Variants in GNA14 observed in about 807,000 individuals in gnomAD.
GNA14 encodes the protein G protein subunit alpha 14.
GNA14 carries 50 observed loss-of-function variants against 42.0 expected under a neutral mutation model. The observed-to-expected ratio is 1.19, with a 90% CI of 0.95 to 1.51. The LOEUF is 1.51. GNA14 is among the 40% of genes most tolerant of loss of function. The probability of loss-of-function intolerance (pLI) is 0.00; values close to 1 mark genes in which losing one functional copy is unlikely to be tolerated. For missense variants in GNA14, 473 were observed against 446.2 expected, an observed-to-expected ratio of 1.06 and a Z score of -0.54; for synonymous variants, 173 against 163.1, an observed-to-expected ratio of 1.06 and a Z score of -0.46.
At chr9:77,571,108 T>C (rs1488465387) in intron 1 of GNA14, among the ~76,000 whole-genome samples, 1 of 152,220 alleles carries the variant, frequency 6.6e-6, no homozygotes, top group Non-Finnish European at 1.5e-5. Flanking sequence ...ATGGTGCTAG[T>C]AGTAGCATTT....
chr9:77,644,437 C>CAAAAAAAAAAAAAAAAAAAAAAAAAAAAA lies in GNA14; in HGVS notation c.124+3232_124+3233insTTTTTTTTTTTTTTTTTTTTTTTTTTTTT, dbSNP rs764737417. Among the ~76,000 whole-genome samples the CAAAAAAAAAAAAAAAAAAAAAAAAAAAAA allele has an allele frequency of 4.4e-4, 15 of 34,020 alleles. 1 individual carries two copies. Among genetic ancestry groups the CAAAAAAAAAAAAAAAAAAAAAAAAAAAAA allele is most frequent in the East Asian group, 2.6e-3 (2 of 776 alleles). 22.3% of individuals were successfully genotyped at this position (34,020 alleles called of 152,430 possible). A position where few individuals can be genotyped will look rare whatever the true frequency, so the allele number is the denominator to read the frequency against. On this transcript the variant is annotated intron_variant, in intron 1 of 6. Coordinates refer to ENST00000341700, the MANE Select transcript of GNA14 (RefSeq NM_004297.4). Reference sequence around the variant, plus strand: ...TACTGAACTCCAACCTAAAGAGTGTCAAAAAAAAAAAAAAAAAAAAAAAAA... The same window carrying CAAAAAAAAAAAAAAAAAAAAAAAAAAAAA: ...TACTGAACTCCAACCTAAAGAGTGTCAAAAAAAAAAAAAAAAAAAAAAAAAAAAAAAAAAAAAAAAAAAAAAAAAAAAAA...
At chr9:77,432,124 T>G (rs927001004) in intron 3 of GNA14, among the ~76,000 whole-genome samples, 1 of 148,962 alleles carries the variant, frequency 6.7e-6, no homozygotes, top group Admixed American at 6.8e-5. Context: ...AAAAAAAAAC[T>G]TTAAGGCCTT....
intron 1 of GNA14, among the ~76,000 whole-genome samples, chr9:77,550,260 T>C (rs993117546): frequency 1.3e-5 from 2 of 152,188 alleles, no homozygotes; most frequent in African/African-American, 4.8e-5. Context: ...GGATATGCTC[T>C]TTCAGCCTCG....
At chr9:77,572,464 G>C (rs900184886) in intron 1 of GNA14, among the ~76,000 whole-genome samples, 9 of 152,042 alleles carry the variant, frequency 5.9e-5, no homozygotes, top group Admixed American at 2.0e-4. Flanking sequence ...TAGTTTTATA[G>C]AATACATAAA....
intron 1 of GNA14, among the ~76,000 whole-genome samples, chr9:77,532,728 T>C (rs552398435): frequency 3.9e-5 from 6 of 152,324 alleles, no homozygotes; most frequent in Non-Finnish European, 5.9e-5. Flanking sequence ...TTCAGTAGCA[T>C]GCGTCCGCTC....
In GNA14 at chr9:77,579,162, G is replaced by A. The variant is rs577669183; in HGVS notation, c.125-49909C>T. 2.0e-5 allele frequency among the ~76,000 whole-genome samples: 3 copies of A among 152,302 alleles called. No individual in the cohort carries two copies. The South Asian group carries it at 6.2e-4, about 32-fold the overall frequency. On this transcript the variant is annotated intron_variant, in intron 1 of 6. Coordinates refer to ENST00000341700, the MANE Select transcript of GNA14 (RefSeq NM_004297.4). ...ACACCTATAAAGTTGGAATACTGGA[G>A]CATGTGACTGGCCCTCAGGCACTGG...
intron 1 of GNA14, among the ~76,000 whole-genome samples, chr9:77,631,265 C>T (rs1312700657): frequency 6.6e-6 from 1 of 152,072 alleles, no homozygotes; most frequent in Non-Finnish European, 1.5e-5. Context: ...GCCTCCTTTC[C>T]TTTTCAGGTC....
At chr9:77,555,115 T>C (rs1372860192) in intron 1 of GNA14, among the ~76,000 whole-genome samples, 1 of 152,224 alleles carries the variant, frequency 6.6e-6, no homozygotes, top group Non-Finnish European at 1.5e-5. Flanking sequence ...TTAGATATGA[T>C]AATTTTATTG....
intron 2 of GNA14, among the ~76,000 whole-genome samples, chr9:77,497,414 C>T (rs1836889308): frequency 6.6e-6 from 1 of 152,168 alleles, no homozygotes; most frequent in South Asian, 2.1e-4. Context: ...AATGTGACCA[C>T]TCAGGACACT....
In GNA14 at chr9:77,527,003, C is replaced by T. The variant is rs935444146; in HGVS notation, c.309+2066G>A. ...AACTAAGCTGATTAGGTTTTACAAA[C>T]GCTGCTGCCAACGTAAGCAGAAGTG... is the stretch of plus-strand genomic sequence containing the variant. On this transcript the variant is annotated intron_variant, in intron 2 of 6. Transcript: ENST00000341700. Among the ~76,000 whole-genome samples, 7 of 152,246 alleles carry T rather than the reference C, an allele frequency of 4.6e-5. No homozygotes were observed. In the South Asian group the frequency reaches 8.3e-4, roughly 18 times the overall value.
intron 1 of GNA14, among the ~76,000 whole-genome samples, chr9:77,592,111 T>C (rs1040248863): frequency 6.6e-6 from 1 of 152,034 alleles, no homozygotes; most frequent in African/African-American, 2.4e-5. Context: ...AGACGGGGTT[T>C]CACAGTGGTC....
intron 1 of GNA14, among the ~76,000 whole-genome samples, chr9:77,592,453 A>G (rs1219313281): frequency 6.6e-6 from 1 of 152,222 alleles, no homozygotes; most frequent in Non-Finnish European, 1.5e-5. Flanking sequence ...AGATTCTCAT[A>G]GTATAAAAGA....
intron 1 of GNA14, among the ~76,000 whole-genome samples, chr9:77,644,904 C>CT (rs1477478448): frequency 6.6e-6 from 1 of 152,282 alleles, no homozygotes; most frequent in Non-Finnish European, 1.5e-5. Flanking sequence ...CTTATCAGAA[C>CT]TTTTTTGTCC....
chr9:77,464,391 G>A (rs187125623), intron 2 of GNA14, among the ~76,000 whole-genome samples: 1,672 of 141,764 alleles, frequency 0.012, 51 homozygotes, highest in African/African-American at 0.04. Context: ...GTGTGTGTGT[G>A]TTTAAATGTG....
intron 4 of GNA14, 126 bp downstream of exon 4, chr9:77,431,195 T>G: frequency 1.2e-6 from 1 of 824,922 alleles, no homozygotes. Flanking sequence ...TAAATACCCT[T>G]GGCAGAGAGG....
At chr9:77,453,739 T>C (rs992367233) in intron 2 of GNA14, among the ~76,000 whole-genome samples, 12 of 152,314 alleles carry the variant, frequency 7.9e-5, no homozygotes, top group African/African-American at 2.9e-4. Context: ...TGAGCAATCA[T>C]AAGCCTGCAG....
chr9:77,533,307 G>T (rs1006622894), intron 1 of GNA14, among the ~76,000 whole-genome samples: 1 of 152,158 alleles, frequency 6.6e-6, no homozygotes, highest in African/African-American at 2.4e-5. Flanking sequence ...AGCCTCCCCA[G>T]TAGCTGGGAT....
Position 77,587,954 on chromosome 9 carries a change from G to A in GNA14, c.125-58701C>T, listed in dbSNP as rs191008646. Among the ~76,000 whole-genome samples the A allele has an allele frequency of 2.4e-3, 359 of 152,250 alleles. 2 individuals carry two copies. The highest frequency in any genetic ancestry group is 8.2e-3 in the African/African-American group (341 of 41,560). The stretch of plus-strand genomic sequence containing the variant: ...TCCATGCCTTTTTCTGGCTACTAAA[G>A]GCCATCTGCCTTCCTTGGCTTTGGC... On this transcript the variant is annotated intron_variant, in intron 1 of 6. Coordinates refer to ENST00000341700, the MANE Select transcript of GNA14 (RefSeq NM_004297.4).
At chr9:77,501,572 T>G (rs1429396955) in intron 2 of GNA14, among the ~76,000 whole-genome samples, 9 of 152,208 alleles carry the variant, frequency 5.9e-5, no homozygotes, top group Admixed American at 5.9e-4. Flanking sequence ...CTGATTTTTT[T>G]GAAATTTTAA....
Sources: gnomAD v4.1 joint callset for allele counts (sites outside exome capture counted in the v4.1 genomes callset) on GRCh38, gnomAD v4.1.1 for gene constraint, MANE v1.5 for transcripts, NCBI Gene and HGNC (gene_info 2026-07-23, HGNC 2026-07-21) for gene names.